The following CARMIL1 variants were observed in gnomAD, a reference collection of about 807,000 sequenced individuals.
The protein encoded by CARMIL1 is F-actin-uncapping protein LRRC16A.
Under a neutral mutation model 177.1 loss-of-function variants are expected in CARMIL1, and 90 were observed. The observed-to-expected ratio is 0.51, with a 90% confidence interval of 0.43 to 0.61. The LOEUF (loss-of-function observed/expected upper bound fraction) is 0.61, where lower values mean the gene tolerates loss of function less well. Among genes scored for constraint, CARMIL1 ranks in the 20% least tolerant of loss-of-function variants. The pLI, the probability that CARMIL1 is intolerant of heterozygous loss-of-function variation, is 0.00. For synonymous variants in CARMIL1, 577 were observed against 606.2 expected, an observed-to-expected ratio of 0.95 and a Z score of 0.71; for missense variants, 1,380 against 1,667.0, an observed-to-expected ratio of 0.83 and a Z score of 3.00.
intron 15 of CARMIL1, among the ~76,000 whole-genome samples, chr6:25,494,447 C>A (rs1343626177): frequency 6.6e-6 from 1 of 152,170 alleles, no homozygotes; most frequent in East Asian, 1.9e-4. Flanking sequence ...AGTGTTGATG[C>A]TACCTTATTA....
intron 2 of CARMIL1, among the ~76,000 whole-genome samples, chr6:25,344,189 T>G (rs969456063): frequency 6.6e-6 from 1 of 152,120 alleles, no homozygotes; most frequent in Non-Finnish European, 1.5e-5. Context: ...CCCACTCTTA[T>G]CACCACTTCC....
At chr6:25,612,695 G>A in intron 36 of CARMIL1, 1 of 900,348 alleles carries the variant, frequency 1.1e-6, no homozygotes, top group East Asian at 1.2e-4. Flanking sequence ...ATTGATGTAT[G>A]TGCTAATAAT....
chr6:25,465,071 CA>C (rs558022196), intron 8 of CARMIL1, among the ~76,000 whole-genome samples: 9,632 of 62,006 alleles, frequency 0.16, 299 homozygotes, highest in East Asian at 0.29. Context: ...AGAACTAAAG[CA>C]AAAAAAAAAA....
intron 2 of CARMIL1, among the ~76,000 whole-genome samples, chr6:25,328,679 A>G (rs370175668): frequency 1.3e-3 from 193 of 152,138 alleles, no homozygotes; most frequent in Non-Finnish European, 1.8e-3. Context: ...TCCATCATGT[A>G]GGCTTTGGAG....
intron 26 of CARMIL1, among the ~76,000 whole-genome samples, chr6:25,541,801 C>T (rs887571611): frequency 1.3e-5 from 2 of 151,922 alleles, no homozygotes; most frequent in Non-Finnish European, 2.9e-5. Context: ...CTACAGGTGC[C>T]GGCCACCACA....
chr6:25,505,813 T>C (rs1023090410), intron 17 of CARMIL1, among the ~76,000 whole-genome samples: 1 of 151,966 alleles, frequency 6.6e-6, no homozygotes, highest in African/African-American at 2.4e-5. Context: ...AAGAGAAGAA[T>C]TGGTAAATGC....
rs140195226 is a variant in CARMIL1 at position 25,298,837 on chromosome 6, C to A, written c.138+13928C>A. On this transcript the variant is annotated intron_variant, in intron 2 of 36. Transcript: ENST00000329474. ...TGGCGCGATCTCGGCTCACCGCAAC[C>A]TCCGCCTCCTGGGTTCAAGCGATTC... is the stretch of plus-strand genomic sequence containing the variant. Among the ~76,000 whole-genome samples the A allele has an allele frequency of 2.0e-3, 305 of 151,830 alleles. 2 individuals are homozygous for A. Among genetic ancestry groups the A allele is most frequent in the Non-Finnish European group, 3.6e-3 (243 of 67,960 alleles).
rs781493568 is a variant in CARMIL1, at chr6:25,600,480, A to T, written c.3286A>T (p.Lys1096Ter). Reference protein sequence around the residue: ...ILMTEEPSSPKGAVRSPPVDC... With the variant: ...ILMTEEPSSP Reference sequence around the variant, plus strand: ...GATGACAGAAGAACCCTCCTCACCAAAAGGGGCAGTCAGAAGTCCACCTGT... The same window carrying T: ...GATGACAGAAGAACCCTCCTCACCATAAGGGGCAGTCAGAAGTCCACCTGT... Residue 1096 changes from lysine (K) to a stop codon, truncating the protein, a stop_gained, in exon 33 of 37, where the codon AAA (lysine) becomes TAA (stop). Coordinates refer to ENST00000329474, the MANE Select transcript of CARMIL1 (RefSeq NM_017640.6). LOFTEE classifies it high-confidence loss of function. 2 of 1,614,042 alleles carry T rather than the reference A, an allele frequency of 1.2e-6. No individual in the cohort carries two copies. The highest frequency in any genetic ancestry group is 3.3e-5 in the Admixed American group (2 of 60,024).
chr6:25,316,801 C>G (rs187677144), intron 2 of CARMIL1, among the ~76,000 whole-genome samples: 221 of 152,202 alleles, frequency 1.5e-3, no homozygotes, highest in Non-Finnish European at 2.5e-3. Flanking sequence ...TGACTGTGGA[C>G]AATCAATGGA....
At chr6:25,296,979 C>T (rs1005793184) in intron 2 of CARMIL1, among the ~76,000 whole-genome samples, 4 of 151,506 alleles carry the variant, frequency 2.6e-5, no homozygotes, top group Non-Finnish European at 4.4e-5. Flanking sequence ...CATTTTAAAA[C>T]GTGGCATCTC....
At chr6:25,571,556 C>T (rs1049384026) in intron 29 of CARMIL1, among the ~76,000 whole-genome samples, 4 of 152,194 alleles carry the variant, frequency 2.6e-5, no homozygotes, top group African/African-American at 9.6e-5. Flanking sequence ...CATAGAGTTA[C>T]TATTAATTAC....
At position 25,610,207 on chromosome 6, in the gene CARMIL1, T is replaced by A. The variant is rs781744826; in HGVS notation, c.3979+26T>A. 43 of 1,603,242 alleles carry A rather than the reference T, an allele frequency of 2.7e-5. No individual in the cohort carries two copies. The South Asian group carries it at 4.2e-4, about 16-fold the overall frequency. On this transcript the variant is annotated intron_variant, in intron 36 of 36. Transcript: ENST00000329474. Reference sequence around the variant, plus strand: ...GTAAGGATTGTAAGGATTTCTTTTCTCTGGGTTAGCTCTCCCCAAGGAGGG... The same window carrying A: ...GTAAGGATTGTAAGGATTTCTTTTCACTGGGTTAGCTCTCCCCAAGGAGGG...
At chr6:25,489,981 AT>A (rs1389313609) in intron 13 of CARMIL1, among the ~76,000 whole-genome samples, 2 of 152,218 alleles carry the variant, frequency 1.3e-5, no homozygotes, top group Admixed American at 6.5e-5. Context: ...AAATAGGAAC[AT>A]TAATAGTCAC....
At chr6:25,477,035 G>T (rs1180088242) in intron 11 of CARMIL1, among the ~76,000 whole-genome samples, 1 of 149,672 alleles carries the variant, frequency 6.7e-6, no homozygotes, top group African/African-American at 2.5e-5. Context: ...GTTGCAGTGA[G>T]CCGAGATTGT....
chr6:25,304,432 C>T (rs75899024), intron 2 of CARMIL1, among the ~76,000 whole-genome samples: 2,134 of 152,210 alleles, frequency 0.014, 53 homozygotes, highest in African/African-American at 0.044. Flanking sequence ...TTCCACAGAC[C>T]GAGTGGGTAG....
At chr6:25,361,371 T>C (rs1269348561) in intron 2 of CARMIL1, among the ~76,000 whole-genome samples, 1 of 152,116 alleles carries the variant, frequency 6.6e-6, no homozygotes, top group Non-Finnish European at 1.5e-5. Context: ...GGAAAGTCTT[T>C]ACCTTTCCCC....
chr6:25,296,935 T>TCTAACTATCTATCTTTAAC (rs11414122), intron 2 of CARMIL1, among the ~76,000 whole-genome samples: 6 of 136,344 alleles, frequency 4.4e-5, no homozygotes, highest in Admixed American at 2.2e-4. Flanking sequence ...CTATCTATCT[T>TCTAACTATCTATCTTTAAC]TAACTAACTA....
chr6:25,521,695 G>A (rs1238734482), intron 23 of CARMIL1, among the ~76,000 whole-genome samples: 2 of 151,690 alleles, frequency 1.3e-5, no homozygotes, highest in Non-Finnish European at 1.5e-5. Context: ...CGTGAACCCG[G>A]GAGACGGAGC....
chr6:25,483,131 G>A (rs1458470251), intron 12 of CARMIL1, among the ~76,000 whole-genome samples: 1 of 152,056 alleles, frequency 6.6e-6, no homozygotes, highest in African/African-American at 2.4e-5. Flanking sequence ...CATAAATATT[G>A]TGTCTTTCCT....
Sources: allele counts gnomAD v4.1 joint callset (sites outside exome capture counted in the v4.1 genomes callset), GRCh38; gene constraint gnomAD v4.1.1; transcripts MANE v1.5; gene names NCBI Gene and HGNC (gene_info 2026-07-23, HGNC 2026-07-21).